Variants in AADACL4 observed in about 807,000 individuals in gnomAD.
The protein encoded by AADACL4 is arylacetamide deacetylase like 4.
In AADACL4, 9 loss-of-function variants were observed where a neutral mutation model predicts 14.1. The ratio of observed to expected loss-of-function variants is 0.64; its 90% CI spans 0.39 to 1.12. The LOEUF is 1.12. AADACL4 is among the 50% of genes most tolerant of loss of function. The pLI, the probability that AADACL4 is intolerant of heterozygous loss-of-function variation, is 0.01. For missense variants in AADACL4, 531 were observed against 516.1 expected, an observed-to-expected ratio of 1.03 and a Z score of -0.28; for synonymous variants, 188 against 201.6, an observed-to-expected ratio of 0.93 and a Z score of 0.57.
At position 12,666,461 on chromosome 1, in the gene AADACL4, A is replaced by C; in HGVS notation, c.950A>C (p.His317Pro). The C allele has an allele frequency of 6.2e-7, 1 of 1,614,170 alleles. No homozygotes were observed. Among genetic ancestry groups the C allele is most frequent in the South Asian group, 1.1e-5 (1 of 91,084 alleles). Residue 317 changes from histidine (H) to proline (P), a missense_variant, in exon 4 of 4, where the codon CAT becomes CCT. Physicochemically the swap from His to Pro is moderately conservative, Grantham distance 77. Coordinates refer to ENST00000376221, the MANE Select transcript of AADACL4 (RefSeq NM_001013630.2). The part of the protein sequence containing the change: ...FNEAAYLEAK[H>P]MLDVENSPLI... ...GAAGCTGCCTATCTAGAAGCCAAAC[A>C]TATGCTGGATGTAGAAAATTCACCC... is the stretch of plus-strand genomic sequence containing the variant.
chr1:12,648,911 G>A (rs930151593), intron 1 of AADACL4, among the ~76,000 whole-genome samples: 8 of 152,122 alleles, frequency 5.3e-5, no homozygotes, highest in East Asian at 1.9e-4. Context: ...CCGGGGTAGC[G>A]CGATGCCTAT....
intron 2 of AADACL4, among the ~76,000 whole-genome samples, chr1:12,658,036 C>CT (rs1381606839): frequency 9.0e-5 from 11 of 121,650 alleles, no homozygotes; most frequent in African/African-American, 6.4e-4. Context: ...CTCTTTCTTT[C>CT]CTTCCTTCCT....
chr1:12,646,919 A>G (rs1647115317), intron 1 of AADACL4, among the ~76,000 whole-genome samples: 1 of 152,158 alleles, frequency 6.6e-6, no homozygotes, highest in Non-Finnish European at 1.5e-5. Context: ...GATAGACAAC[A>G]CAGGAACAAG....
intron 1 of AADACL4, among the ~76,000 whole-genome samples, chr1:12,649,646 C>T (rs1209039614): frequency 6.6e-6 from 1 of 152,172 alleles, no homozygotes; most frequent in Non-Finnish European, 1.5e-5. Context: ...AGACAAGACC[C>T]AGTGGGTGCA....
chr1:12,650,117 G>T (rs1463577389), intron 1 of AADACL4, among the ~76,000 whole-genome samples: 3 of 152,164 alleles, frequency 2.0e-5, no homozygotes, highest in African/African-American at 7.2e-5. Flanking sequence ...AGCTGTTCTT[G>T]TTCTTGTCAT....
chr1:12,666,110 C>T lies in AADACL4; in HGVS notation c.599C>T (p.Ala200Val), dbSNP rs1438851768. ...GAAAGCGTCGGAGGTGCAGCGGTGGCCGCCATCACCCAGGCCTTGGTGGGC... is the reference window on the plus strand; with the variant it reads ...GAAAGCGTCGGAGGTGCAGCGGTGGTCGCCATCACCCAGGCCTTGGTGGGC... ...CGESVGGAAVAAITQALVGRS... is the reference protein window; with the variant it reads ...CGESVGGAAVVAITQALVGRS... The change falls in exon 4 of 4, where the codon GCC (alanine) becomes GTC (valine). Residue 200 changes from alanine (A) to valine (V), a missense_variant. Ala to Val is a moderately conservative substitution (Grantham distance 64). Transcript: ENST00000376221. 25 of 1,614,114 alleles carry T rather than the reference C, an allele frequency of 1.5e-5. No homozygotes were observed. The highest frequency in any genetic ancestry group is 2.0e-5 in the Non-Finnish European group (24 of 1,180,046).
chr1:12,661,626 T>A (rs949434321), intron 2 of AADACL4, among the ~76,000 whole-genome samples, 165 bp from the exon 3 acceptor site: 4 of 152,052 alleles, frequency 2.6e-5, no homozygotes, highest in Admixed American at 1.3e-4. Context: ...AGATGTATGA[T>A]TTGGCCTGGT....
chr1:12,658,600 G>C (rs1053146751), intron 2 of AADACL4, among the ~76,000 whole-genome samples: 2 of 152,114 alleles, frequency 1.3e-5, no homozygotes, highest in Non-Finnish European at 2.9e-5. Context: ...TGTTATTCCT[G>C]TCTCAGCCTC....
chr1:12,646,002 G>GT (rs1483887824), intron 1 of AADACL4, among the ~76,000 whole-genome samples: 3 of 152,212 alleles, frequency 2.0e-5, no homozygotes, highest in Non-Finnish European at 4.4e-5. Context: ...GGGATTGGGG[G>GT]TTTGGGGTGG....
chr1:12,660,703 G>A (rs866400667), intron 2 of AADACL4, among the ~76,000 whole-genome samples: 18 of 152,084 alleles, frequency 1.2e-4, no homozygotes, highest in African/African-American at 4.3e-4. Flanking sequence ...GAGTGCAGTG[G>A]CATGATCTCG....
chr1:12,645,706 G>A (rs1034313137), intron 1 of AADACL4, among the ~76,000 whole-genome samples: 1 of 151,826 alleles, frequency 6.6e-6, no homozygotes, highest in Admixed American at 6.6e-5. Flanking sequence ...ACCATGCCCG[G>A]CTAATTTTTG....
chr1:12,651,416 A>T, intron 2 of AADACL4, 77 bp downstream of exon 2: 1 of 1,443,834 alleles, frequency 6.9e-7, no homozygotes, highest in African/African-American at 1.4e-5. Flanking sequence ...TCCCGCAAGA[A>T]CCCTTCTACA....
At chr1:12,648,436 G>T (rs1196857667) in intron 1 of AADACL4, among the ~76,000 whole-genome samples, 1 of 144,344 alleles carries the variant, frequency 6.9e-6, no homozygotes, top group East Asian at 2.0e-4. Context: ...TCACTCTGTC[G>T]CCCAGGCTGA....
chr1:12,665,411 G>A (rs1647300392), intron 3 of AADACL4, among the ~76,000 whole-genome samples: 1 of 152,116 alleles, frequency 6.6e-6, no homozygotes, highest in Admixed American at 6.6e-5. Context: ...TTGTTTAGTA[G>A]AGACGGGGTT....
chr1:12,648,484 T>C (rs4615849), intron 1 of AADACL4, among the ~76,000 whole-genome samples: 12,222 of 151,356 alleles, frequency 0.081, 839 homozygotes, highest in African/African-American at 0.19. Flanking sequence ...GCAACCGCCA[T>C]CTTCCGGGTT....
At position 12,666,842 on chromosome 1, in the gene AADACL4, C is replaced by A; in HGVS notation, c.*107C>A. ...TGACTAAAGAGGTGCTACATCAATGCTTGGGGCAGCTGGGAAGGGTGAGAA... is the reference window on the plus strand; with the variant it reads ...TGACTAAAGAGGTGCTACATCAATGATTGGGGCAGCTGGGAAGGGTGAGAA... On this transcript the variant is annotated 3_prime_UTR_variant, in exon 4 of 4. Transcript: ENST00000376221. 8.5e-7 allele frequency: 1 copy of A among 1,170,752 alleles called. No homozygotes were observed. Among genetic ancestry groups the A allele is most frequent in the Non-Finnish European group, 1.2e-6 (1 of 837,738 alleles). 72.5% of individuals were successfully genotyped at this position (1,170,752 alleles called of 1,614,324 possible).
intron 1 of AADACL4, among the ~76,000 whole-genome samples, chr1:12,650,363 G>A (rs1364272899): frequency 2.0e-5 from 3 of 152,044 alleles, no homozygotes; most frequent in African/African-American, 7.2e-5. Flanking sequence ...AACTGATCAC[G>A]TTGCTCTTTT....
intron 3 of AADACL4, among the ~76,000 whole-genome samples, chr1:12,664,420 G>A (rs1162601381): frequency 6.6e-6 from 1 of 151,040 alleles, no homozygotes. Flanking sequence ...AGGCTGGAGT[G>A]CAGTGGCACA....
intron 3 of AADACL4, 38 bp from the exon 4 acceptor site, chr1:12,665,923 C>T (rs1392779328): frequency 6.4e-7 from 1 of 1,559,120 alleles, no homozygotes; most frequent in Admixed American, 1.8e-5. Flanking sequence ...GCAACACTGT[C>T]CACACTGGTG....
Sources: allele counts gnomAD v4.1 joint callset (sites outside exome capture counted in the v4.1 genomes callset), GRCh38; gene constraint gnomAD v4.1.1; transcripts MANE v1.5; gene names NCBI Gene and HGNC (gene_info 2026-07-23, HGNC 2026-07-21).